Variants in TMEM30A observed in about 807,000 individuals in gnomAD.
TMEM30A encodes the protein cell cycle control protein 50A.
TMEM30A carries 24 observed loss-of-function variants against 38.2 expected under a neutral mutation model. That is an observed-to-expected ratio of 0.63 (90% confidence interval 0.46 to 0.88). TMEM30A has a LOEUF of 0.88. Ranked by LOEUF, TMEM30A falls within the 40% of genes least tolerant of loss-of-function variation. The pLI is 0.00. For synonymous variants in TMEM30A, 145 were observed against 161.6 expected (o/e 0.90, Z 0.78); for missense variants, 370 against 458.6 (o/e 0.81, Z 1.77).
At chr6:75,270,503 A>C (rs1282793662) in intron 1 of TMEM30A, among the ~76,000 whole-genome samples, 2 of 152,110 alleles carry the variant, frequency 1.3e-5, no homozygotes, top group Non-Finnish European at 1.5e-5. Context: ...GATGAGGAAA[A>C]AAGACCACAG....
chr6:75,280,697 G>C (rs1772342217), intron 1 of TMEM30A, among the ~76,000 whole-genome samples: 1 of 151,878 alleles, frequency 6.6e-6, no homozygotes, highest in Non-Finnish European at 1.5e-5. Flanking sequence ...TGAGAAACAA[G>C]TTAAAACACC....
chr6:75,264,943 T>C (rs1238835170), intron 3 of TMEM30A, among the ~76,000 whole-genome samples: 3 of 151,746 alleles, frequency 2.0e-5, no homozygotes, highest in Non-Finnish European at 2.9e-5. Flanking sequence ...CTACTAAAAA[T>C]ACAAAAATTA....
chr6:75,284,196 G>C, intron 1 of TMEM30A: 1 of 615,854 alleles, frequency 1.6e-6, no homozygotes, highest in Non-Finnish European at 2.9e-6. Context: ...CGTAAATCTC[G>C]AGCAAGACAA....
At chr6:75,266,202 AT>A (rs1266945519) in intron 2 of TMEM30A, among the ~76,000 whole-genome samples, 1 of 152,108 alleles carries the variant, frequency 6.6e-6, no homozygotes, top group Non-Finnish European at 1.5e-5. Flanking sequence ...CTTATCCTTA[AT>A]TAAAAGTAAT....
chr6:75,267,797 C>A, intron 1 of TMEM30A, 49 bp from the exon 2 acceptor site: 1 of 1,281,570 alleles, frequency 7.8e-7, no homozygotes, highest in South Asian at 1.4e-5. Context: ...AAGTGGATAC[C>A]TAAAACACTC....
intron 1 of TMEM30A, among the ~76,000 whole-genome samples, chr6:75,276,385 A>G (rs1772259382): frequency 6.6e-6 from 1 of 152,254 alleles, no homozygotes; most frequent in Admixed American, 6.5e-5. Flanking sequence ...CCTGGGACTT[A>G]CAATTGGCAT....
At chr6:75,278,327 C>CT (rs1433137174) in intron 1 of TMEM30A, among the ~76,000 whole-genome samples, 1 of 152,188 alleles carries the variant, frequency 6.6e-6, no homozygotes, top group Admixed American at 6.5e-5. Context: ...TCTATTCTAT[C>CT]TTTTTTTCAC....
intron 3 of TMEM30A, among the ~76,000 whole-genome samples, chr6:75,264,573 C>A (rs940120820): frequency 6.6e-6 from 1 of 151,692 alleles, no homozygotes; most frequent in Non-Finnish European, 1.5e-5. Context: ...GAGGTGGAGG[C>A]TGCAGTGAGC....
At chr6:75,279,125 G>T (rs572293696) in intron 1 of TMEM30A, among the ~76,000 whole-genome samples, 1 of 152,016 alleles carries the variant, frequency 6.6e-6, no homozygotes, top group African/African-American at 2.4e-5. Context: ...GTGTGTGGGG[G>T]GGTGGGCAGG....
intron 3 of TMEM30A, among the ~76,000 whole-genome samples, chr6:75,263,218 GA>G (rs1772003105): frequency 6.6e-6 from 1 of 152,144 alleles, no homozygotes; most frequent in Non-Finnish European, 1.5e-5. Context: ...CACTAAACAA[GA>G]ACTTATTTCT....
At chr6:75,277,305 CAAAAAAAA>C (rs60419282) in intron 1 of TMEM30A, among the ~76,000 whole-genome samples, 94 of 91,676 alleles carry the variant, frequency 1.0e-3, no homozygotes, top group South Asian at 7.2e-3. Context: ...TGTCCTCATC[CAAAAAAAA>C]AAAAAAAAAA....
chr6:75,271,164 C>T (rs1252922914), intron 1 of TMEM30A, among the ~76,000 whole-genome samples: 1 of 152,052 alleles, frequency 6.6e-6, no homozygotes, highest in Non-Finnish European at 1.5e-5. Context: ...AACTTATTCC[C>T]ATATTATACG....
Position 75,283,223 on chromosome 6 carries a change from A to C in TMEM30A, c.237+1179T>G, listed in dbSNP as rs6928329. ...GCTTTTAGAGATAACACTGCAAATTAAACTGGAACCCCATCCCTATTTCAG... is the reference window on the plus strand; with the variant it reads ...GCTTTTAGAGATAACACTGCAAATTCAACTGGAACCCCATCCCTATTTCAG... On this transcript the variant is annotated intron_variant, in intron 1 of 6. Transcript: ENST00000230461. 4.7e-3 allele frequency among the ~76,000 whole-genome samples: 718 copies of C among 152,304 alleles called. 9 individuals carry two copies. The highest frequency in any genetic ancestry group is 0.016 in the African/African-American group (675 of 41,564).
At chr6:75,261,702 T>C (rs1483958453) in intron 3 of TMEM30A, among the ~76,000 whole-genome samples, 21 of 152,224 alleles carry the variant, frequency 1.4e-4, no homozygotes, top group Admixed American at 1.4e-3. Context: ...AATTTGAAAT[T>C]AAGAGGACCC....
At chr6:75,282,978 G>A (rs760480333) in intron 1 of TMEM30A, among the ~76,000 whole-genome samples, 44 of 151,980 alleles carry the variant, frequency 2.9e-4, no homozygotes, top group Non-Finnish European at 5.3e-4. Context: ...ATCCCAGTAT[G>A]GTTAGAACAA....
At chr6:75,283,979 A>T (rs1331795570) in intron 1 of TMEM30A, among the ~76,000 whole-genome samples, 2 of 152,084 alleles carry the variant, frequency 1.3e-5, no homozygotes, top group East Asian at 3.9e-4. Flanking sequence ...AGGTAATGGC[A>T]CTTTGACCCT....
chr6:75,264,003 G>A (rs1234125500), intron 3 of TMEM30A, among the ~76,000 whole-genome samples: 2 of 152,160 alleles, frequency 1.3e-5, no homozygotes, highest in African/African-American at 2.4e-5. Context: ...GAAACTTGGT[G>A]TATCTCACAG....
chr6:75,259,262 C>T, intron 5 of TMEM30A, 85 bp downstream of exon 5: 3 of 1,440,148 alleles, frequency 2.1e-6, no homozygotes, highest in Non-Finnish European at 2.8e-6. Flanking sequence ...CAAAGCATAA[C>T]TTTAAGATTC....
intron 1 of TMEM30A, among the ~76,000 whole-genome samples, chr6:75,276,607 T>C (rs1052292527): frequency 3.9e-5 from 6 of 152,196 alleles, no homozygotes; most frequent in Admixed American, 2.6e-4. Flanking sequence ...CTAGGAAATA[T>C]GCTTTGGCTT....
Sources: allele counts gnomAD v4.1 joint callset (sites outside exome capture counted in the v4.1 genomes callset), GRCh38; gene constraint gnomAD v4.1.1; transcripts MANE v1.5; gene names NCBI Gene and HGNC (gene_info 2026-07-23, HGNC 2026-07-21).